Variants in POLE2 observed in about 807,000 individuals in gnomAD.
POLE2 encodes the protein DNA polymerase epsilon subunit 2.
In POLE2, 56 loss-of-function variants were observed where a neutral mutation model predicts 79.4. That is an observed-to-expected ratio of 0.71 (90% CI 0.57 to 0.88). The LOEUF is 0.88. Ranked by LOEUF, POLE2 falls within the 40% of genes least tolerant of loss-of-function variation. The pLI, the probability that POLE2 is intolerant of heterozygous loss-of-function variation, is 0.00. For synonymous variants in POLE2, 212 were observed against 214.0 expected (o/e 0.99, Z 0.08); for missense variants, 598 against 638.9 (o/e 0.94, Z 0.69).
chr14:49,652,168 A>AGGG (rs1566531328), intron 15 of POLE2, among the ~76,000 whole-genome samples: 6 of 38,844 alleles, frequency 1.5e-4, no homozygotes, highest in Admixed American at 4.8e-4. Flanking sequence ...TAGAATACGG[A>AGGG]GAGGAGAATG....
intron 1 of POLE2, 30 bp downstream of exon 1, chr14:49,688,106 T>C: frequency 2.0e-6 from 3 of 1,522,718 alleles, no homozygotes; most frequent in Non-Finnish European, 2.7e-6. Flanking sequence ...CTCTTCCCTC[T>C]CGCCCTTCAA....
At position 49,651,328 on chromosome 14, in the gene POLE2, T is replaced by C. The variant is rs150235607; in HGVS notation, c.1261A>G (p.Asn421Asp). The change falls in exon 16 of 19, where the codon AAT becomes GAT. Residue 421 changes from asparagine (N) to aspartate (D), a missense_variant. Transcript: ENST00000216367. ...EITVFREDLVNKMCRNCVRFP... is the reference protein window; with the variant it reads ...EITVFREDLVDKMCRNCVRFP... ...CGGACGCAGTTTCTGCACATTTTAT[T>C]TACTAAGTCTTCACGGAAGACAGTA... The C allele has an allele frequency of 6.2e-7, 1 of 1,601,864 alleles. No individual in the cohort carries two copies. The highest frequency in any genetic ancestry group is 8.5e-7 in the Non-Finnish European group (1 of 1,169,690).
intron 16 of POLE2, among the ~76,000 whole-genome samples, chr14:49,650,819 G>A (rs949050522): frequency 2.6e-5 from 4 of 151,984 alleles, no homozygotes; most frequent in Non-Finnish European, 5.9e-5. Flanking sequence ...ATCTATTTCC[G>A]TACTTCTCAA....
At position 49,655,106 on chromosome 14, in the gene POLE2, A is replaced by T. The variant is rs746243039; in HGVS notation, c.929-12T>A. Reference sequence around the variant, plus strand: ...TGCTGGTGAATAACCTAAACAATAAAAGAGTAAATGAACAATACTTTTCTA... The same window carrying T: ...TGCTGGTGAATAACCTAAACAATAATAGAGTAAATGAACAATACTTTTCTA... On this transcript the variant is annotated splice_polypyrimidine_tract_variant and intron_variant, in intron 11 of 18. Coordinates refer to ENST00000216367, the MANE Select transcript of POLE2 (RefSeq NM_002692.4). 3 of 1,381,948 alleles carry T rather than the reference A, an allele frequency of 2.2e-6. No homozygotes were observed. In the Admixed American group the frequency reaches 6.1e-5, roughly 28 times the overall value. The allele number at this position is 1,381,948 out of a possible 1,614,324, so 85.6% of individuals were successfully genotyped here. A position where few individuals can be genotyped will look rare whatever the true frequency, so the allele number is the denominator to read the frequency against.
chr14:49,676,604 C>T (rs1407113560), intron 3 of POLE2, among the ~76,000 whole-genome samples: 1 of 152,248 alleles, frequency 6.6e-6, no homozygotes, highest in Non-Finnish European at 1.5e-5. Flanking sequence ...AACAGCCTGA[C>T]AGAAATAGCC....
chr14:49,659,517 C>T (rs1019247241), intron 10 of POLE2, among the ~76,000 whole-genome samples: 2 of 151,984 alleles, frequency 1.3e-5, no homozygotes, highest in Admixed American at 6.6e-5. Flanking sequence ...CAAAAAGAGT[C>T]AAAAATTTAA....
At position 49,674,337 on chromosome 14, in the gene POLE2, A is replaced by G. The variant is rs1291656238; in HGVS notation, c.323+13T>C. 6.4e-7 allele frequency: 1 copy of G among 1,558,662 alleles called. No individual in the cohort carries two copies. Among genetic ancestry groups the G allele is most frequent in the South Asian group, 1.1e-5 (1 of 89,642 alleles). On this transcript the variant is annotated intron_variant, in intron 4 of 18. Transcript: ENST00000216367. ...TTTGAAATTAATTTAAAATCAGTGG[A>G]TGACATACTTACGGAAGAAATTTTT...
chr14:49,668,167 A>T (rs986197386), intron 6 of POLE2, among the ~76,000 whole-genome samples: 8 of 152,052 alleles, frequency 5.3e-5, no homozygotes, highest in Non-Finnish European at 1.2e-4. Flanking sequence ...CAGCTACTCA[A>T]GAGGCTGAGG....
chr14:49,687,460 G>C (rs1258194292), intron 1 of POLE2, among the ~76,000 whole-genome samples: 2 of 151,836 alleles, frequency 1.3e-5, no homozygotes, highest in Non-Finnish European at 2.9e-5. Context: ...ACATAAATTG[G>C]CAACTGCAGA....
intron 1 of POLE2, among the ~76,000 whole-genome samples, chr14:49,687,298 CACCACACA>C (rs1438264392): frequency 2.7e-5 from 3 of 111,504 alleles, no homozygotes; most frequent in Non-Finnish European, 3.9e-5. Flanking sequence ...TATACACACA[CACCACACA>C]CACACACACA....
chr14:49,660,917 A>G (rs1885054819), intron 10 of POLE2, among the ~76,000 whole-genome samples: 1 of 152,118 alleles, frequency 6.6e-6, no homozygotes, highest in South Asian at 2.1e-4. Flanking sequence ...CCATGGACAA[A>G]TTACCCAACC....
chr14:49,652,106 G>T (rs904469448), intron 15 of POLE2, among the ~76,000 whole-genome samples: 2 of 152,006 alleles, frequency 1.3e-5, no homozygotes, highest in African/African-American at 4.8e-5. Flanking sequence ...TCGGGAAGGT[G>T]GATGGGATAT....
chr14:49,683,974 C>T (rs565308551), intron 1 of POLE2, among the ~76,000 whole-genome samples: 44 of 152,300 alleles, frequency 2.9e-4, no homozygotes, highest in Admixed American at 1.2e-3. Flanking sequence ...TTAAAAATCA[C>T]ATTTACATAT....
chr14:49,682,429 C>A (rs983445925), intron 2 of POLE2, among the ~76,000 whole-genome samples: 2 of 151,192 alleles, frequency 1.3e-5, no homozygotes, highest in Admixed American at 6.6e-5. Flanking sequence ...CTGAAGTTGG[C>A]GGTTCGAGAC....
At chr14:49,659,640 G>C (rs983465665) in intron 10 of POLE2, among the ~76,000 whole-genome samples, 2 of 152,056 alleles carry the variant, frequency 1.3e-5, no homozygotes, top group African/African-American at 4.8e-5. Context: ...AAGTATAGTG[G>C]CACAATGATA....
chr14:49,682,640 G>GAAAA (rs35984833), intron 2 of POLE2, among the ~76,000 whole-genome samples: 12 of 60,978 alleles, frequency 2.0e-4, no homozygotes, highest in African/African-American at 6.3e-4. Flanking sequence ...CCTTCTCAGG[G>GAAAA]AAAAAAAAAA....
intron 5 of POLE2, among the ~76,000 whole-genome samples, chr14:49,672,213 G>C (rs45448496): frequency 6.2e-4 from 95 of 152,194 alleles, no homozygotes; most frequent in Non-Finnish European, 1.2e-3. Flanking sequence ...ATGTGTGAGA[G>C]AAGATCTTAC....
rs777346372 is a variant in POLE2, at chr14:49,650,450, G to C, written c.1321-9C>G. 3 of 1,417,632 alleles carry C rather than the reference G, an allele frequency of 2.1e-6. No individual in the cohort carries two copies. Among genetic ancestry groups the C allele is most frequent in the Non-Finnish European group, 2.8e-6 (3 of 1,073,290 alleles). 87.8% of individuals were successfully genotyped at this position (1,417,632 alleles called of 1,614,324 possible). On this transcript the variant is annotated splice_polypyrimidine_tract_variant and intron_variant, in intron 16 of 18. Transcript: ENST00000216367. The stretch of plus-strand genomic sequence containing the variant: ...AAGATAGTCTTTACAAACTACAAAA[G>C]AGCACAAAACAAAGCAAACTTCAGT...
At chr14:49,686,537 T>C (rs1887150623) in intron 1 of POLE2, among the ~76,000 whole-genome samples, 1 of 152,296 alleles carries the variant, frequency 6.6e-6, no homozygotes, top group Non-Finnish European at 1.5e-5. Flanking sequence ...AGGACCCAAC[T>C]AAGCCACACC....
Sources: allele counts gnomAD v4.1 joint callset (sites outside exome capture counted in the v4.1 genomes callset), GRCh38; gene constraint gnomAD v4.1.1; transcripts MANE v1.5; gene names NCBI Gene and HGNC (gene_info 2026-07-23, HGNC 2026-07-21).